Variants in PROM2 observed in about 807,000 individuals in gnomAD.
PROM2 encodes the protein prominin-2.
A neutral mutation model predicts 110.2 loss-of-function variants in PROM2; 90 were observed. The observed-to-expected ratio is 0.82, with a 90% CI of 0.69 to 0.97. The LOEUF (loss-of-function observed/expected upper bound fraction) is 0.97. Ranked by LOEUF, PROM2 falls within the 50% of genes least tolerant of loss-of-function variation. PROM2 has a pLI of 0.00. For missense variants in PROM2, 1,009 were observed against 1,074.8 expected, an observed-to-expected ratio of 0.94 and a Z score of 0.86; for synonymous variants, 470 against 467.8, an observed-to-expected ratio of 1.00 and a Z score of -0.06.
chr2:95,281,423 C>T, intron 12 of PROM2, 58 bp downstream of exon 12: 1 of 1,306,988 alleles, frequency 7.7e-7, no homozygotes, highest in Non-Finnish European at 9.9e-7. Context: ...GCGGTATCAG[C>T]AGAGCAGGAG....
chr2:95,277,896 G>T, intron 7 of PROM2, 34 bp from the exon 8 acceptor site: 1 of 1,593,698 alleles, frequency 6.3e-7, no homozygotes, highest in Non-Finnish European at 8.6e-7. Context: ...GCCTCTCCAT[G>T]AACTTTGTCA....
Position 95,287,143 on chromosome 2 carries a change from C to T in PROM2, c.2105C>T (p.Ser702Leu), listed in dbSNP as rs1453695339. 6.8e-6 allele frequency: 11 copies of T among 1,613,966 alleles called. No homozygotes were observed. In the Admixed American group the frequency reaches 1.8e-4, roughly 27 times the overall value. ...TCTCGTCCCCTCCAGCTGGAGACCT[C>T]AGATGTCCTAGCCAATGTCACCTAC... ...SSAPNLQLET[S>L]DVLANVTYLK... The change falls in exon 19 of 24, where the codon TCA becomes TTA. Residue 702 changes from serine to leucine, a missense_variant. Coordinates refer to ENST00000317620, the MANE Select transcript of PROM2 (RefSeq NM_001165978.3).
In PROM2 at chr2:95,278,790, G is replaced by A; in HGVS notation, c.1114+6G>A. ...GACATCCAGCGTGGTGCAAGGTTAG[G>A]CCACACGGGTCAGAGGCAGCTGCCA... On this transcript the variant is annotated splice_donor_region_variant and intron_variant, in intron 9 of 23. Transcript: ENST00000317620. 6.2e-7 allele frequency: 1 copy of A among 1,614,032 alleles called. No individual in the cohort carries two copies. The highest frequency in any genetic ancestry group is 2.2e-5 in the East Asian group (1 of 44,876).
intron 14 of PROM2, among the ~76,000 whole-genome samples, chr2:95,284,558 T>C (rs1490354225): frequency 1.3e-5 from 2 of 150,804 alleles, no homozygotes; most frequent in Non-Finnish European, 1.5e-5. Context: ...GAGGTTTAAG[T>C]GCAGGCTGTA....
intron 20 of PROM2, 69 bp downstream of exon 20, chr2:95,287,533 C>T: frequency 2.0e-6 from 3 of 1,504,698 alleles, no homozygotes; most frequent in Non-Finnish European, 2.7e-6. Flanking sequence ...CCTGCTCTGC[C>T]CCGCCCCCGC....
Position 95,275,660 on chromosome 2 carries a change from G to A in PROM2, c.294+150G>A. 7.4e-7 allele frequency: 1 copy of A among 1,353,782 alleles called. No homozygotes were observed. Among genetic ancestry groups the A allele is most frequent in the Non-Finnish European group, 9.9e-7 (1 of 1,007,970 alleles). 83.9% of individuals were successfully genotyped at this position (1,353,782 alleles called of 1,614,324 possible). ...TCCTCTCCCCTCCTCTGTGGGCGCT[G>A]CAGTCCGTAGACCTGGGTGCAAACC... On this transcript the variant is annotated intron_variant, in intron 2 of 23. Transcript: ENST00000317620. This position sits in a 1 kb window ranked among gnomAD's most constrained non-coding sequence, Gnocchi z 4.4.
chr2:95,284,887 T>A, intron 14 of PROM2, 82 bp from the exon 15 acceptor site: 1 of 1,412,044 alleles, frequency 7.1e-7, no homozygotes, highest in Non-Finnish European at 9.5e-7. Context: ...TATCGCCTGG[T>A]GACCCCTGTG....
At chr2:95,280,082 G>T (rs7586229) in intron 11 of PROM2, 85 bp downstream of exon 11, 953,825 of 1,257,352 alleles carry the variant, frequency 0.76, 363,019 homozygotes, top group Admixed American at 0.85. Context: ...TCCCGGTGTG[G>T]CTGCCAGTGT....
At chr2:95,277,611 C>T in intron 7 of PROM2, 45 bp downstream of exon 7, 1 of 1,469,988 alleles carries the variant, frequency 6.8e-7, no homozygotes, top group Non-Finnish European at 9.0e-7. Flanking sequence ...GGAGGGCTAG[C>T]TGCCTGCTGC....
chr2:95,286,500 C>A lies in PROM2; in HGVS notation c.1969C>A (p.Arg657=), dbSNP rs540555921. Residue 657 remains arginine, a synonymous_variant, in exon 17 of 24, where the codon CGG becomes AGG. Coordinates refer to ENST00000317620, the MANE Select transcript of PROM2 (RefSeq NM_001165978.3). ...QAQDNSVLGQ[R]LQEEAQGLRN... is the part of the protein sequence containing the mutation. ...TCAGGACAATTCTGTGCTGGGGCAG[C>A]GGCTGCAGGAGGAGGCCCAAGGACT... The A allele has an allele frequency of 2.5e-6, 4 of 1,613,686 alleles. No individual in the cohort carries two copies. The highest frequency in any genetic ancestry group is 1.7e-4 in the Middle Eastern group (1 of 5,818).
chr2:95,282,966 C>A (rs776335953), intron 14 of PROM2, among the ~76,000 whole-genome samples: 29 of 152,136 alleles, frequency 1.9e-4, no homozygotes, highest in Non-Finnish European at 3.8e-4. Flanking sequence ...GATTTTGCAT[C>A]GTTCTGGGAA....
Position 95,290,301 on chromosome 2 carries a change from G to T in PROM2, c.*1088G>T, listed in dbSNP as rs1392190626. On this transcript the variant is annotated 3_prime_UTR_variant, in exon 24 of 24. Coordinates refer to ENST00000317620, the MANE Select transcript of PROM2 (RefSeq NM_001165978.3). Reference sequence around the variant, plus strand: ...ATGGACAGACCTCAGATCCATTAAAGTGTTCTCACTTCCCTGAGACTTGGT... The same window carrying T: ...ATGGACAGACCTCAGATCCATTAAATTGTTCTCACTTCCCTGAGACTTGGT... 1 of 152,294 alleles carries T rather than the reference G, an allele frequency of 6.6e-6. No homozygotes were observed. Among genetic ancestry groups the T allele is most frequent in the Non-Finnish European group, 1.5e-5 (1 of 68,078 alleles). 9.4% of individuals were successfully genotyped at this position (152,294 alleles called of 1,614,324 possible). A position where few individuals can be genotyped will look rare whatever the true frequency, so the allele number is the denominator to read the frequency against.
intron 11 of PROM2, 63 bp downstream of exon 11, chr2:95,280,060 C>T: frequency 7.5e-7 from 1 of 1,339,926 alleles, no homozygotes; most frequent in Non-Finnish European, 9.6e-7. Context: ...TACTCTCGCT[C>T]CTGAGCATAG....
Position 95,276,939 on chromosome 2 carries a change from G to T in PROM2, c.683-33G>T. The T allele has an allele frequency of 6.5e-7, 1 of 1,547,602 alleles. No individual in the cohort carries two copies. The highest frequency in any genetic ancestry group is 8.7e-7 in the Non-Finnish European group (1 of 1,143,762). Reference sequence around the variant, plus strand: ...TGGGGAGGGCCCCTCCACTCTTGGGGTCCCACCCTGCAGACTGCCCTGTGC... The same window carrying T: ...TGGGGAGGGCCCCTCCACTCTTGGGTTCCCACCCTGCAGACTGCCCTGTGC... On this transcript the variant is annotated intron_variant, in intron 5 of 23. Coordinates refer to ENST00000317620, the MANE Select transcript of PROM2 (RefSeq NM_001165978.3). This position sits in a 1 kb window ranked among gnomAD's most constrained non-coding sequence, Gnocchi z 4.6.
intron 11 of PROM2, among the ~76,000 whole-genome samples, chr2:95,280,311 T>A (rs1227097133): frequency 6.6e-6 from 1 of 152,114 alleles, no homozygotes; most frequent in Non-Finnish European, 1.5e-5. Flanking sequence ...GACTAGACGG[T>A]CTCTAAGGCC....
chr2:95,276,066 A>T lies in PROM2; in HGVS notation c.431A>T (p.His144Leu). Residue 144 changes from histidine (H) to leucine (L), a missense_variant, in exon 3 of 24, where the codon CAC becomes CTC. Transcript: ENST00000317620. The surrounding 1 kb of genome is among the most constrained non-coding windows in gnomAD (Gnocchi z 4.6). ...RRCGGRVKTE[H>L]KALACERAAL... Reference sequence around the variant, plus strand: ...TGCGGGGGACGAGTGAAGACAGAGCACAAGGCGCTGGCCTGTGAGCGCGCG... The same window carrying T: ...TGCGGGGGACGAGTGAAGACAGAGCTCAAGGCGCTGGCCTGTGAGCGCGCG... The T allele has an allele frequency of 1.9e-6, 3 of 1,611,410 alleles. No homozygotes were observed. The highest frequency in any genetic ancestry group is 1.7e-6 in the Non-Finnish European group (2 of 1,179,896).
chr2:95,287,631 G>T (rs529874335), intron 20 of PROM2, among the ~76,000 whole-genome samples, 167 bp downstream of exon 20: 4 of 152,194 alleles, frequency 2.6e-5, no homozygotes, highest in Admixed American at 2.6e-4. Flanking sequence ...TGCTGGCTGA[G>T]CTCTGTCCAC....
In PROM2 at chr2:95,279,088, G is replaced by A; in HGVS notation, c.1218G>A (p.Glu406=). Residue 406 remains glutamate, a synonymous_variant, in exon 10 of 24, where the codon GAG becomes GAA. Coordinates refer to ENST00000317620, the MANE Select transcript of PROM2 (RefSeq NM_001165978.3). ...AASRWAQALQ[E]VEESSRPYLQ... ...CCCGCTGGGCCCAGGCACTGCAGGA[G>A]GTGGAGGAGAGCAGCCGCCCCTACC... 2.5e-6 allele frequency: 4 copies of A among 1,611,066 alleles called. No homozygotes were observed. The South Asian group carries it at 4.4e-5, about 18-fold the overall frequency.
At position 95,289,391 on chromosome 2, in the gene PROM2, C is replaced by A; in HGVS notation, c.*178C>A. ...GCTCCTTTCCACCCCTTTCTGCTCA[C>A]GACCCCCATCATTCACGCTCAGAAT... is the stretch of plus-strand genomic sequence containing the variant. On this transcript the variant is annotated 3_prime_UTR_variant, in exon 24 of 24. Transcript: ENST00000317620. 4.2e-6 allele frequency: 1 copy of A among 240,818 alleles called. No individual in the cohort carries two copies. The highest frequency in any genetic ancestry group is 8.2e-6 in the Non-Finnish European group (1 of 122,162). The allele number at this position is 240,818 out of a possible 1,614,324, so 14.9% of individuals were successfully genotyped here.
Sources: gnomAD v4.1 joint callset for allele counts (sites outside exome capture counted in the v4.1 genomes callset) on GRCh38, gnomAD v4.1.1 for gene constraint, Gnocchi (gnomAD v3.1) non-coding constraint, MANE v1.5 for transcripts, NCBI Gene and HGNC (gene_info 2026-07-23, HGNC 2026-07-21) for gene names.